Variants in PDE3A observed in about 807,000 individuals in gnomAD.
PDE3A encodes phosphodiesterase 3A.
Under a neutral mutation model 98.3 loss-of-function variants are expected in PDE3A, and 43 were observed. That is an observed-to-expected ratio of 0.44 (90% confidence interval 0.34 to 0.56). PDE3A has a LOEUF of 0.56. Ranked by LOEUF, PDE3A falls within the 20% of genes least tolerant of loss-of-function variation. PDE3A has a pLI of 0.01. For missense variants in PDE3A, 1,427 were observed against 1,440.7 expected, an observed-to-expected ratio of 0.99 and a Z score of 0.15; for synonymous variants, 663 against 567.9, an observed-to-expected ratio of 1.17 and a Z score of -2.38.
chr12:20,615,116 G>A (rs1474441958), intron 3 of PDE3A, among the ~76,000 whole-genome samples: 1 of 141,510 alleles, frequency 7.1e-6, no homozygotes, highest in African/African-American at 2.6e-5. Flanking sequence ...GGCCAGGCTG[G>A]TCTCAAACTC....
chr12:20,400,979 C>A (rs1305654495), intron 1 of PDE3A, among the ~76,000 whole-genome samples: 1 of 152,152 alleles, frequency 6.6e-6, no homozygotes, highest in East Asian at 1.9e-4. Context: ...CCCAAAGTCT[C>A]ACTGTTTATC....
At chr12:20,426,073 T>C (rs761450990) in intron 1 of PDE3A, among the ~76,000 whole-genome samples, 3 of 152,190 alleles carry the variant, frequency 2.0e-5, no homozygotes, top group Admixed American at 6.5e-5. Flanking sequence ...AGGTATGTAT[T>C]TGAATATTCA....
chr12:20,625,960 G>A (rs4375483), intron 5 of PDE3A, among the ~76,000 whole-genome samples: 50,936 of 151,960 alleles, frequency 0.34, 8,633 homozygotes, highest in Admixed American at 0.39. Context: ...ACTCAAATAT[G>A]AAGTGAAGAT....
At chr12:20,524,953 G>A (rs1434679659) in intron 1 of PDE3A, among the ~76,000 whole-genome samples, 1 of 152,088 alleles carries the variant, frequency 6.6e-6, no homozygotes, top group Non-Finnish European at 1.5e-5. Context: ...TGACCAACAC[G>A]GAGAAACCCC....
intron 1 of PDE3A, chr12:20,551,781 G>T (rs1334515057): frequency 1.2e-6 from 2 of 1,614,012 alleles, no homozygotes; most frequent in East Asian, 2.2e-5. Context: ...AGAAGAAGGC[G>T]AAGATGGCCT....
intron 15 of PDE3A, among the ~76,000 whole-genome samples, chr12:20,657,950 T>C (rs977027675): frequency 4.6e-5 from 7 of 152,226 alleles, no homozygotes; most frequent in African/African-American, 1.7e-4. Context: ...GAGTGTTTGC[T>C]ACAACTGTGA....
chr12:20,636,422 T>C (rs1029780999), intron 8 of PDE3A, among the ~76,000 whole-genome samples: 1 of 152,192 alleles, frequency 6.6e-6, no homozygotes, highest in Non-Finnish European at 1.5e-5. Context: ...CCTCATTCTC[T>C]TTCTTCTTTT....
At chr12:20,604,658 T>C (rs1943670142) in intron 2 of PDE3A, among the ~76,000 whole-genome samples, 1 of 152,124 alleles carries the variant, frequency 6.6e-6, no homozygotes, top group Non-Finnish European at 1.5e-5. Flanking sequence ...TTAGGACAAA[T>C]AGCTGGTCTG....
chr12:20,563,654 G>GT (rs1452189003), intron 2 of PDE3A, among the ~76,000 whole-genome samples: 2 of 152,034 alleles, frequency 1.3e-5, no homozygotes, highest in African/African-American at 4.8e-5. Context: ...AGACAGTTTG[G>GT]TTTTGGGGTT....
chr12:20,434,186 C>A (rs1487030411), intron 1 of PDE3A, among the ~76,000 whole-genome samples: 1 of 150,606 alleles, frequency 6.6e-6, no homozygotes, highest in Non-Finnish European at 1.5e-5. Flanking sequence ...TTTTTTCCTG[C>A]GTTTCAGCTG....
intron 1 of PDE3A, among the ~76,000 whole-genome samples, chr12:20,454,863 A>G (rs1486872786): frequency 6.6e-6 from 1 of 152,068 alleles, no homozygotes; most frequent in East Asian, 1.9e-4. Flanking sequence ...TTCTTTATCC[A>G]GTCTACCATT....
At chr12:20,610,401 T>G (rs1943820358) in intron 2 of PDE3A, among the ~76,000 whole-genome samples, 1 of 151,934 alleles carries the variant, frequency 6.6e-6, no homozygotes, top group Non-Finnish European at 1.5e-5. Context: ...ATATAACAAA[T>G]GTTGGCAAGG....
At chr12:20,561,021 G>A (rs1187368498) in intron 2 of PDE3A, among the ~76,000 whole-genome samples, 8 of 151,792 alleles carry the variant, frequency 5.3e-5, no homozygotes, top group Admixed American at 5.2e-4. Context: ...CCGGCACTTT[G>A]GGAGGCCGAG....
chr12:20,369,829 AG>A lies in PDE3A; in HGVS notation c.547del (p.Asp183IlefsTer24), dbSNP rs1172939516. On this transcript the variant is annotated frameshift_variant, in exon 1 of 16. Coordinates refer to ENST00000359062, the MANE Select transcript of PDE3A (RefSeq NM_000921.5). LOFTEE classifies it high-confidence loss of function. The stretch of plus-strand genomic sequence containing the variant: ...GTCCAGATTGGGCTGGGCGTCGGGG[AG>A]GATCACTTACTCTCACTCCCCGCCG... ...ALVQIGLGVG[E>X]DHLLSLPAAG... 2 of 1,610,548 alleles carry A rather than the reference AG, an allele frequency of 1.2e-6. No homozygotes were observed. Among genetic ancestry groups the A allele is most frequent in the Admixed American group, 1.7e-5 (1 of 59,844 alleles).
intron 1 of PDE3A, among the ~76,000 whole-genome samples, chr12:20,385,997 T>TATATATATAAATATATATAAAAA (rs1943755752): frequency 9.7e-6 from 1 of 102,936 alleles, no homozygotes; most frequent in Non-Finnish European, 1.8e-5. Flanking sequence ...ATATATAAAA[T>TATATATATAAATATATATAAAAA]ATATATATAA....
intron 1 of PDE3A, among the ~76,000 whole-genome samples, chr12:20,408,940 G>C (rs1944284169): frequency 6.6e-6 from 1 of 152,114 alleles, no homozygotes; most frequent in South Asian, 2.1e-4. Context: ...CTAAAAGAGT[G>C]GCTTGTGTAT....
intron 1 of PDE3A, among the ~76,000 whole-genome samples, chr12:20,379,964 A>C (rs1943634544): frequency 6.6e-6 from 1 of 151,754 alleles, no homozygotes; most frequent in African/African-American, 2.4e-5. Context: ...ACCTTTGAAA[A>C]ATTTCTGAAA....
At chr12:20,675,133 G>T (rs1945600302) in intron 15 of PDE3A, among the ~76,000 whole-genome samples, 1 of 151,864 alleles carries the variant, frequency 6.6e-6, no homozygotes, top group South Asian at 2.1e-4. Context: ...TTTGTTTCAA[G>T]AAATTTATTG....
At chr12:20,502,914 C>T (rs990277801) in intron 1 of PDE3A, among the ~76,000 whole-genome samples, 1 of 152,100 alleles carries the variant, frequency 6.6e-6, no homozygotes, top group African/African-American at 2.4e-5. Flanking sequence ...AGCTATACCA[C>T]TTACTAGCTA....
Sources: allele counts gnomAD v4.1 joint callset (sites outside exome capture counted in the v4.1 genomes callset), GRCh38; gene constraint gnomAD v4.1.1; transcripts MANE v1.5; gene names NCBI Gene and HGNC (gene_info 2026-07-23, HGNC 2026-07-21).